ADAMTSL1: variants seen among roughly 807,000 people sequenced by gnomAD.
ADAMTSL1 encodes the protein ADAMTS like 1.
ADAMTSL1 carries 126 observed loss-of-function variants against 201.8 expected under a neutral mutation model. That is an observed-to-expected ratio of 0.62 (90% CI 0.54 to 0.72). The LOEUF (loss-of-function observed/expected upper bound fraction) is 0.72, where lower values mean the gene tolerates loss of function less well. ADAMTSL1 is among the 30% of genes least tolerant of loss of function. The pLI is 0.00. For synonymous variants in ADAMTSL1, 1,121 were observed against 903.4 expected, an observed-to-expected ratio of 1.24 and a Z score of -4.32; for missense variants, 2,679 against 2,277.8, an observed-to-expected ratio of 1.18 and a Z score of -3.59.
chr9:18,490,395 G>T (rs1822211183), intron 1 of ADAMTSL1, among the ~76,000 whole-genome samples: 1 of 152,104 alleles, frequency 6.6e-6, no homozygotes. Flanking sequence ...AAGGGGAATT[G>T]TTGTATAGCA....
In ADAMTSL1 at chr9:18,832,605, C is replaced by A. The variant is rs555015852; in HGVS notation, c.4249+2628C>A. ...AGAATTCTAGACCAAGGTGGAAATA[C>A]ATGGCAAAGATACTGTTAATCACTC... On this transcript the variant is annotated intron_variant, in intron 23 of 28. Coordinates refer to ENST00000380548, the MANE Select transcript of ADAMTSL1 (RefSeq NM_001040272.6). Among the ~76,000 whole-genome samples, 9 of 152,312 alleles carry A rather than the reference C, an allele frequency of 5.9e-5. 1 individual carries two copies. Among genetic ancestry groups the A allele is most frequent in the Admixed American group, 3.3e-4 (5 of 15,296 alleles).
At chr9:18,649,924 T>C (rs1322585422) in intron 7 of ADAMTSL1, among the ~76,000 whole-genome samples, 1 of 152,150 alleles carries the variant, frequency 6.6e-6, no homozygotes, top group Non-Finnish European at 1.5e-5. Flanking sequence ...TTCAAAGCTG[T>C]CAGACAGGGA....
At chr9:17,997,717 G>T (rs1563940730) in intron 1 of ADAMTSL1, among the ~76,000 whole-genome samples, 1 of 152,038 alleles carries the variant, frequency 6.6e-6, no homozygotes, top group South Asian at 2.1e-4. Flanking sequence ...CCTGTGAAGG[G>T]TTCTTTTGAA....
intron 1 of ADAMTSL1, among the ~76,000 whole-genome samples, chr9:18,118,883 G>A (rs548855101): frequency 4.6e-5 from 7 of 152,220 alleles, no homozygotes; most frequent in South Asian, 2.1e-4. Flanking sequence ...AGAAAATACC[G>A]CAAAGCATGT....
chr9:18,577,986 CTTT>C (rs71304880), intron 4 of ADAMTSL1, among the ~76,000 whole-genome samples: 1 of 142,350 alleles, frequency 7.0e-6, no homozygotes, highest in African/African-American at 2.6e-5. Context: ...TTACTTTTCT[CTTT>C]TTTTTTTTTT....
In ADAMTSL1 at chr9:17,948,594, A is replaced by G. The variant is rs529361024; in HGVS notation, c.87+41672A>G. Among the ~76,000 whole-genome samples, 6 of 152,328 alleles carry G rather than the reference A, an allele frequency of 3.9e-5. 1 individual carries two copies. In the South Asian group the frequency reaches 1.2e-3, roughly 32 times the overall value. ...GTATCTAGGAAACAGCGTCAGATGA[A>G]TACTAGTTTCTAGATTTAACCACGT... On this transcript the variant is annotated intron_variant, in intron 1 of 29. Transcript: ENST00000680146.
chr9:17,960,647 T>C (rs565022240), intron 1 of ADAMTSL1, among the ~76,000 whole-genome samples: 2 of 152,224 alleles, frequency 1.3e-5, no homozygotes, highest in Non-Finnish European at 2.9e-5. Flanking sequence ...CATTGTCTTT[T>C]TCCTTAATGT....
intron 13 of ADAMTSL1, among the ~76,000 whole-genome samples, chr9:18,695,791 G>C (rs1227804457): frequency 6.6e-6 from 1 of 152,166 alleles, no homozygotes; most frequent in African/African-American, 2.4e-5. Context: ...TATCTTTATA[G>C]CAATGCCCCA....
At chr9:18,095,429 T>C (rs1173236372) in intron 1 of ADAMTSL1, among the ~76,000 whole-genome samples, 5 of 132,976 alleles carry the variant, frequency 3.8e-5, no homozygotes, top group African/African-American at 1.4e-4. Flanking sequence ...TTTTTTTTTT[T>C]TTTTTTTTTT....
intron 1 of ADAMTSL1, among the ~76,000 whole-genome samples, chr9:17,981,010 C>T (rs1818669994): frequency 6.6e-6 from 1 of 152,174 alleles, no homozygotes; most frequent in Non-Finnish European, 1.5e-5. Flanking sequence ...GGAGAACTCA[C>T]TCATTGCCAC....
At chr9:18,671,815 A>G (rs1829830311) in intron 9 of ADAMTSL1, among the ~76,000 whole-genome samples, 1 of 152,152 alleles carries the variant, frequency 6.6e-6, no homozygotes, top group South Asian at 2.1e-4. Context: ...AGGTGGGCAG[A>G]TCACGAGGGC....
intron 1 of ADAMTSL1, among the ~76,000 whole-genome samples, chr9:17,975,211 T>TC (rs1481812978): frequency 1.3e-5 from 2 of 151,512 alleles, no homozygotes; most frequent in African/African-American, 4.8e-5. Flanking sequence ...AATTGGGTCA[T>TC]TTTTTTTTCT....
chr9:17,978,979 G>A (rs917352196), intron 1 of ADAMTSL1, among the ~76,000 whole-genome samples: 2 of 148,484 alleles, frequency 1.3e-5, no homozygotes, highest in Non-Finnish European at 3.0e-5. Flanking sequence ...TTTTCTTTCA[G>A]CATTTTTCAT....
At chr9:18,676,646 G>C (rs1213629879) in intron 10 of ADAMTSL1, among the ~76,000 whole-genome samples, 2 of 152,032 alleles carry the variant, frequency 1.3e-5, no homozygotes, top group Admixed American at 1.3e-4. Context: ...GCTCCACAGA[G>C]AGCAGAAATT....
At position 18,817,164 on chromosome 9, in the gene ADAMTSL1, A is replaced by G; in HGVS notation, c.3861A>G (p.Ala1287=). Residue 1287 remains alanine (A), a synonymous_variant, in exon 21 of 29, where the codon GCA becomes GCG. Transcript: ENST00000380548. ...CAGTGATCAACACGGAGAAGCCTGC[A>G]GTCACAGTCGATATAGGAAGCACCA... ...RMTVINTEKP[A]VTVDIGSTIK... is the part of the protein sequence containing the mutation. 2 of 1,595,938 alleles carry G rather than the reference A, an allele frequency of 1.3e-6. No homozygotes were observed. Among genetic ancestry groups the G allele is most frequent in the Non-Finnish European group, 1.7e-6 (2 of 1,170,908 alleles).
At chr9:18,371,302 A>G (rs1320163854) in intron 2 of ADAMTSL1, among the ~76,000 whole-genome samples, 1 of 152,200 alleles carries the variant, frequency 6.6e-6, no homozygotes, top group Admixed American at 6.5e-5. Flanking sequence ...TTCCATCATT[A>G]GAATAATACA....
chr9:18,147,828 C>T (rs892943192), intron 1 of ADAMTSL1, among the ~76,000 whole-genome samples: 1 of 152,058 alleles, frequency 6.6e-6, no homozygotes. Context: ...CAGAGCACAT[C>T]ATTATATTTT....
intron 23 of ADAMTSL1, among the ~76,000 whole-genome samples, chr9:18,865,137 C>T (rs991702111): frequency 6.6e-6 from 1 of 151,914 alleles, no homozygotes; most frequent in African/African-American, 2.4e-5. Flanking sequence ...TGTGCTGCAC[C>T]CATTAACTCG....
At chr9:18,351,026 G>A (rs1835942405) in intron 2 of ADAMTSL1, among the ~76,000 whole-genome samples, 1 of 151,996 alleles carries the variant, frequency 6.6e-6, no homozygotes, top group African/African-American at 2.4e-5. Flanking sequence ...CACATAAATG[G>A]GATGAGACTT....
Sources: gnomAD v4.1 joint callset for allele counts (sites outside exome capture counted in the v4.1 genomes callset) on GRCh38, gnomAD v4.1.1 for gene constraint, MANE v1.5 for transcripts, NCBI Gene and HGNC (gene_info 2026-07-23, HGNC 2026-07-21) for gene names.